Variants in DPP10 observed in about 807,000 individuals in gnomAD.
DPP10 encodes inactive dipeptidyl peptidase 10.
DPP10 carries 33 observed loss-of-function variants against 120.9 expected under a neutral mutation model. That is an observed-to-expected ratio of 0.27 (90% CI 0.21 to 0.37). The LOEUF is 0.37. Ranked by LOEUF, DPP10 falls within the 10% of genes least tolerant of loss-of-function variation. The probability of loss-of-function intolerance (pLI) is 1.00; values close to 1 mark genes in which losing one functional copy is unlikely to be tolerated. For synonymous variants in DPP10, 337 were observed against 326.1 expected (o/e 1.03, Z -0.36); for missense variants, 816 against 942.8 (o/e 0.87, Z 1.76).
In DPP10 at chr2:115,149,324, T is replaced by C. The variant is rs543659218; in HGVS notation, c.61-159915T>C. On this transcript the variant is annotated intron_variant, in intron 1 of 25. Coordinates refer to ENST00000410059, the MANE Select transcript of DPP10 (RefSeq NM_020868.6). ...TTACACATTAGCTCAAATAATTTCA[T>C]ATGTAAGGTAATTCTTCCTTTCACC... is the stretch of plus-strand genomic sequence containing the variant. Among the ~76,000 whole-genome samples, 12 of 152,344 alleles carry C rather than the reference T, an allele frequency of 7.9e-5. No individual in the cohort carries two copies. In the South Asian group the frequency reaches 2.3e-3, roughly 29 times the overall value.
At chr2:114,530,585 A>G (rs1004365043) in intron 1 of DPP10, among the ~76,000 whole-genome samples, 5 of 152,128 alleles carry the variant, frequency 3.3e-5, no homozygotes, top group Non-Finnish European at 5.9e-5. Context: ...TTTCACGAGC[A>G]TCCACAATAA....
chr2:115,166,529 A>AT (rs2052873750), intron 1 of DPP10, among the ~76,000 whole-genome samples: 14 of 115,146 alleles, frequency 1.2e-4, no homozygotes, highest in African/African-American at 1.6e-4. Context: ...ATATAAATAT[A>AT]TATATAAATT....
chr2:114,710,689 C>G (rs1700970029), intron 1 of DPP10, among the ~76,000 whole-genome samples: 1 of 152,068 alleles, frequency 6.6e-6, no homozygotes, highest in South Asian at 2.1e-4. Flanking sequence ...AGGTTGCAGA[C>G]AGTTGAGATC....
At chr2:115,436,786 ATCAT>A (rs1192185364) in intron 3 of DPP10, among the ~76,000 whole-genome samples, 1 of 151,924 alleles carries the variant, frequency 6.6e-6, no homozygotes, top group Non-Finnish European at 1.5e-5. Context: ...GTTCTTTAAG[ATCAT>A]TCAGTTTATG....
Position 114,822,128 on chromosome 2 carries a change from G to A in DPP10, c.60+379290G>A, listed in dbSNP as rs187247045. Among the ~76,000 whole-genome samples, 44 of 151,914 alleles carry A rather than the reference G, an allele frequency of 2.9e-4. 2 individuals carry two copies. In the East Asian group the frequency reaches 7.7e-3, roughly 27 times the overall value. On this transcript the variant is annotated intron_variant, in intron 1 of 25. Coordinates refer to ENST00000410059, the MANE Select transcript of DPP10 (RefSeq NM_020868.6). ...TGCCCTAGCAGAGGTTCTCCATGAC[G>A]GCTTTGCCCCTGCAGCAGACTTTGC...
chr2:114,895,817 G>A (rs557136445), intron 1 of DPP10, among the ~76,000 whole-genome samples: 1 of 151,980 alleles, frequency 6.6e-6, no homozygotes, highest in Non-Finnish European at 1.5e-5. Flanking sequence ...GTAACCCCAG[G>A]GATTTACTCA....
At chr2:115,513,580 G>C (rs2077346612) in intron 4 of DPP10, among the ~76,000 whole-genome samples, 1 of 151,594 alleles carries the variant, frequency 6.6e-6, no homozygotes, top group Non-Finnish European at 1.5e-5. Flanking sequence ...TTTACAACTA[G>C]CATCTTAATT....
intron 3 of DPP10, among the ~76,000 whole-genome samples, chr2:115,467,564 G>A (rs900428056): frequency 1.1e-4 from 16 of 151,552 alleles, no homozygotes; most frequent in African/African-American, 3.1e-4. Context: ...GTGCCAAAAC[G>A]AGACTCTGAC....
At chr2:115,497,175 A>T (rs2076443773) in intron 3 of DPP10, among the ~76,000 whole-genome samples, 1 of 152,142 alleles carries the variant, frequency 6.6e-6, no homozygotes, top group Admixed American at 6.6e-5. Flanking sequence ...GCTACATTTT[A>T]GGAGAATTCA....
chr2:115,072,672 C>T (rs905798501), intron 1 of DPP10, among the ~76,000 whole-genome samples: 3 of 152,126 alleles, frequency 2.0e-5, no homozygotes, highest in Non-Finnish European at 2.9e-5. Flanking sequence ...AAAAGGCATG[C>T]TTTTTATGAA....
At chr2:115,800,049 C>T (rs956127398) in intron 19 of DPP10, among the ~76,000 whole-genome samples, 2 of 151,028 alleles carry the variant, frequency 1.3e-5, no homozygotes, top group African/African-American at 2.4e-5. Context: ...ACAGTCCCAC[C>T]AACAGTGTAA....
intron 4 of DPP10, among the ~76,000 whole-genome samples, chr2:115,512,616 TTTA>T (rs1269682677): frequency 1.3e-5 from 2 of 152,118 alleles, no homozygotes; most frequent in Non-Finnish European, 2.9e-5. Flanking sequence ...CTCAAAGCAT[TTTA>T]TTATTTCTGT....
rs1369441741 is a variant in DPP10, at chr2:114,824,057, A to G, written c.60+381219A>G. Among the ~76,000 whole-genome samples the G allele has an allele frequency of 7.8e-4, 119 of 152,320 alleles. 1 individual carries two copies. Among genetic ancestry groups the G allele is most frequent in the Non-Finnish European group, 1.5e-4 (10 of 68,036 alleles). ...ATTTCTTTCAAAACAGAGTACCAGC[A>G]ATTTTTAATTGATTTTTTCCTCAGC... On this transcript the variant is annotated intron_variant, in intron 1 of 25. Transcript: ENST00000410059.
chr2:115,057,912 G>T (rs1706061398), intron 1 of DPP10, among the ~76,000 whole-genome samples: 2 of 152,192 alleles, frequency 1.3e-5, no homozygotes, highest in African/African-American at 4.8e-5. Context: ...TGAGAAGTTT[G>T]ACTGGAACTA....
intron 3 of DPP10, among the ~76,000 whole-genome samples, chr2:115,359,649 G>A (rs966859196): frequency 1.3e-5 from 2 of 152,048 alleles, no homozygotes; most frequent in Non-Finnish European, 2.9e-5. Context: ...TCTTGAATTT[G>A]TGAGTTGACC....
At chr2:115,733,278 ATTCAT>A (rs1340250977) in intron 8 of DPP10, among the ~76,000 whole-genome samples, 1 of 152,194 alleles carries the variant, frequency 6.6e-6, no homozygotes, top group Non-Finnish European at 1.5e-5. Context: ...ATGAAATTGC[ATTCAT>A]TTCATCATTG....
intron 1 of DPP10, among the ~76,000 whole-genome samples, chr2:114,627,743 G>T (rs559403509): frequency 9.9e-5 from 15 of 152,190 alleles, no homozygotes; most frequent in African/African-American, 3.4e-4. Context: ...GAATGATGAG[G>T]CACCAGAAAC....
chr2:115,067,870 A>G (rs931807325), intron 1 of DPP10, among the ~76,000 whole-genome samples: 18 of 105,380 alleles, frequency 1.7e-4, no homozygotes, highest in Admixed American at 1.5e-3. Context: ...TCAAAAAAAA[A>G]AAAAAAAAAA....
At chr2:114,561,128 A>G (rs1688730400) in intron 1 of DPP10, among the ~76,000 whole-genome samples, 1 of 152,036 alleles carries the variant, frequency 6.6e-6, no homozygotes, top group South Asian at 2.1e-4. Flanking sequence ...TATTTCCTTA[A>G]CAGACCTGTA....
Sources: allele counts gnomAD v4.1 joint callset (sites outside exome capture counted in the v4.1 genomes callset), GRCh38; gene constraint gnomAD v4.1.1; transcripts MANE v1.5; gene names NCBI Gene and HGNC (gene_info 2026-07-23, HGNC 2026-07-21).